DHX8: variants seen among roughly 807,000 people sequenced by gnomAD.
The protein encoded by DHX8 is DEAH-box helicase 8.
DHX8 carries 67 observed loss-of-function variants against 140.7 expected under a neutral mutation model. The ratio of observed to expected loss-of-function variants is 0.48; its 90% CI spans 0.39 to 0.58. The LOEUF (loss-of-function observed/expected upper bound fraction) is 0.58, where lower values mean the gene tolerates loss of function less well. Ranked by LOEUF, DHX8 falls within the 20% of genes least tolerant of loss-of-function variation. The pLI is 0.00. For missense variants in DHX8, 887 were observed against 1,550.7 expected (o/e 0.57, Z 7.19); for synonymous variants, 533 against 553.2 (o/e 0.96, Z 0.51).
chr17:43,497,248 A>G (rs1336083540), intron 9 of DHX8, among the ~76,000 whole-genome samples: 1 of 150,732 alleles, frequency 6.6e-6, no homozygotes, highest in Non-Finnish European at 1.5e-5. Flanking sequence ...TTTGATATTT[A>G]TGTTGATATT....
intron 1 of DHX8, among the ~76,000 whole-genome samples, chr17:43,484,748 C>T (rs1358667068): frequency 1.3e-5 from 2 of 152,120 alleles, no homozygotes; most frequent in Admixed American, 6.5e-5. Context: ...CTCAAGCAGT[C>T]CTCCCACCTC....
chr17:43,510,002 C>T (rs995387292), intron 16 of DHX8, among the ~76,000 whole-genome samples: 1 of 151,474 alleles, frequency 6.6e-6, no homozygotes, highest in Admixed American at 6.6e-5. Context: ...AACACAGTTT[C>T]GCCATGTTGC....
At position 43,490,472 on chromosome 17, in the gene DHX8, A is replaced by G. The variant is rs755575234; in HGVS notation, c.307+9A>G. 6.2e-7 allele frequency: 1 copy of G among 1,610,066 alleles called. No homozygotes were observed. Among genetic ancestry groups the G allele is most frequent in the Non-Finnish European group, 8.5e-7 (1 of 1,177,348 alleles). ...GCCTTCCACTAGCAAAGGTAAGCAG[A>G]GCTTCCAGCTGAGCTTAGCTTCTAG... On this transcript the variant is annotated intron_variant, in intron 3 of 22. Coordinates refer to ENST00000262415, the MANE Select transcript of DHX8 (RefSeq NM_004941.3).
Position 43,525,280 on chromosome 17 carries a change from G to C in DHX8, c.*1433G>C, listed in dbSNP as rs1027252727. 1.6e-5 allele frequency: 16 copies of C among 985,304 alleles called. No individual in the cohort carries two copies. The African/African-American group carries it at 2.6e-4, about 16-fold the overall frequency. The allele number at this position is 985,304 out of a possible 1,614,324, so 61.0% of individuals were successfully genotyped here. Reference sequence around the variant, plus strand: ...AAGTTCTGAAGTGATGTAAATGCTAGAACTACTGTAGAACTGTATGCCAGA... The same window carrying C: ...AAGTTCTGAAGTGATGTAAATGCTACAACTACTGTAGAACTGTATGCCAGA... On this transcript the variant is annotated 3_prime_UTR_variant, in exon 23 of 23. Coordinates refer to ENST00000262415, the MANE Select transcript of DHX8 (RefSeq NM_004941.3).
chr17:43,514,932 A>T (rs1291263116), intron 17 of DHX8, among the ~76,000 whole-genome samples: 1 of 152,196 alleles, frequency 6.6e-6, no homozygotes, highest in African/African-American at 2.4e-5. Flanking sequence ...GTATAATCCA[A>T]TTTTTGTTTA....
chr17:43,507,442 C>T (rs1184509056), intron 13 of DHX8, 61 bp from the exon 14 acceptor site: 1 of 1,488,742 alleles, frequency 6.7e-7, no homozygotes, highest in African/African-American at 1.4e-5. Context: ...TGAAATCTTG[C>T]CTGGTGATTG....
At chr17:43,489,958 CAATT>C (rs568741193) in intron 2 of DHX8, among the ~76,000 whole-genome samples, 65 of 152,158 alleles carry the variant, frequency 4.3e-4, no homozygotes, top group Middle Eastern at 3.4e-3. Context: ...TTATACATAT[CAATT>C]AAATAAGCCA....
chr17:43,532,727 G>A (rs1185600613), intron 2 of DHX8: 1 of 1,613,974 alleles, frequency 6.2e-7, no homozygotes, highest in South Asian at 1.1e-5. Flanking sequence ...CCCCGCCCCT[G>A]GGTACCTGTG....
Position 43,496,195 on chromosome 17 carries a change from T to C in DHX8, c.1227T>C (p.Asn409=), listed in dbSNP as rs1567679765. Residue 409 remains asparagine, a synonymous_variant, in exon 9 of 23, where the codon AAT becomes AAC. Transcript: ENST00000262415. ...TCTTTGGCTAGATGATTGCTGCCAA[T>C]GTCCTTTCCAAAGAAGAATTTCCAG... ...KWEIKQMIAA[N]VLSKEEFPDF... The C allele has an allele frequency of 3.7e-6, 6 of 1,613,918 alleles. No individual in the cohort carries two copies. The Middle Eastern group carries it at 6.6e-4, about 177-fold the overall frequency.
At chr17:43,525,910 A>G (rs374787099), downstream of DHX8, 71 of 985,382 alleles carry the variant, frequency 7.2e-5, no homozygotes, top group African/African-American at 1.2e-3. Context: ...TGAGGTTGAA[A>G]AGGGATGTTG....
At chr17:43,494,180 A>G (rs750877219) in intron 8 of DHX8, among the ~76,000 whole-genome samples, 9 of 152,284 alleles carry the variant, frequency 5.9e-5, no homozygotes, top group Non-Finnish European at 1.2e-4. Flanking sequence ...TTTTAAAACC[A>G]TCAGATCTCA....
downstream of DHX8, chr17:43,526,409 T>A: frequency 3.3e-6 from 5 of 1,524,758 alleles, no homozygotes; most frequent in Non-Finnish European, 4.4e-6. Context: ...GGGGCATGTG[T>A]GAGCTCCGCA....
At chr17:43,536,117 AAAACAAAC>A (rs113078365) in intron 2 of DHX8, among the ~76,000 whole-genome samples, 19 of 151,724 alleles carry the variant, frequency 1.3e-4, no homozygotes, top group South Asian at 2.1e-4. Flanking sequence ...TCTTGGGGGG[AAAACAAAC>A]AAACAAACAA....
downstream of DHX8, chr17:43,528,702 G>A (rs370057391): frequency 5.0e-6 from 8 of 1,614,122 alleles, no homozygotes; most frequent in East Asian, 2.2e-5. Context: ...AGAGGGCCTC[G>A]GGCTCACACA....
intron 12 of DHX8, among the ~76,000 whole-genome samples, chr17:43,506,227 A>C (rs1050269143): frequency 6.6e-6 from 1 of 151,506 alleles, no homozygotes; most frequent in Non-Finnish European, 1.5e-5. Flanking sequence ...GCTGGTCTTG[A>C]ACTCCTGGAC....
intron 17 of DHX8, 91 bp from the exon 18 acceptor site, chr17:43,517,076 T>G (rs1200551931): frequency 7.3e-7 from 1 of 1,377,102 alleles, no homozygotes; most frequent in African/African-American, 1.5e-5. Flanking sequence ...TTTTGCCAGT[T>G]GTTAATTGTC....
intron 17 of DHX8, among the ~76,000 whole-genome samples, chr17:43,514,503 A>G (rs986005031): frequency 3.3e-5 from 5 of 152,164 alleles, no homozygotes; most frequent in African/African-American, 1.2e-4. Context: ...AATAAATTAT[A>G]TGATTTTCTG....
chr17:43,486,869 C>G (rs1410131805), intron 1 of DHX8, among the ~76,000 whole-genome samples: 1 of 140,788 alleles, frequency 7.1e-6, no homozygotes, highest in Non-Finnish European at 1.5e-5. Context: ...GAGCAAGACT[C>G]CGTCTCAAAA....
At chr17:43,515,334 G>A (rs1305702865) in intron 17 of DHX8, among the ~76,000 whole-genome samples, 1 of 152,092 alleles carries the variant, frequency 6.6e-6, no homozygotes, top group Non-Finnish European at 1.5e-5. Flanking sequence ...GACTACAGGC[G>A]CATGCCGCCA....
Sources: gnomAD v4.1 joint callset for allele counts (sites outside exome capture counted in the v4.1 genomes callset) on GRCh38, gnomAD v4.1.1 for gene constraint, MANE v1.5 for transcripts, NCBI Gene and HGNC (gene_info 2026-07-23, HGNC 2026-07-21) for gene names.